Variants in KCNG2 observed in about 807,000 individuals in gnomAD.
KCNG2 encodes voltage-gated potassium channel regulatory subunit KCNG2.
In KCNG2, 7 loss-of-function variants were observed where a neutral mutation model predicts 12.3. That is an observed-to-expected ratio of 0.57 (90% confidence interval 0.32 to 1.07). The LOEUF is 1.07. Among genes scored for constraint, KCNG2 ranks in the 50% least tolerant of loss-of-function variants. KCNG2 has a pLI of 0.04. For synonymous variants in KCNG2, 414 were observed against 351.4 expected, an observed-to-expected ratio of 1.18 and a Z score of -1.99; for missense variants, 703 against 726.0, an observed-to-expected ratio of 0.97 and a Z score of 0.36.
At chr18:79,831,862 G>T (rs900124153) in intron 1 of KCNG2, among the ~76,000 whole-genome samples, 2 of 152,236 alleles carry the variant, frequency 1.3e-5, no homozygotes, top group Admixed American at 6.5e-5. Context: ...CGGCCTAGGT[G>T]GTTGTCTCCT....
chr18:79,803,860 T>C lies in KCNG2; in HGVS notation c.-115+5846T>C, dbSNP rs1359359236. Among the ~76,000 whole-genome samples the C allele has an allele frequency of 6.6e-6, 1 of 152,198 alleles. No individual in the cohort carries two copies. Among genetic ancestry groups the C allele is most frequent in the Non-Finnish European group, 1.5e-5 (1 of 68,036 alleles). ...CACTGTGATGGCCCCGGGGCCATGC[T>C]GAGGCCTCCGTGTTGGTTTCTCCGG... On this transcript the variant is annotated intron_variant, in intron 1 of 3. Coordinates refer to ENST00000316249, the MANE Select transcript of KCNG2 (RefSeq NM_012283.2). The surrounding 1 kb of genome is among the most constrained non-coding windows in gnomAD (Gnocchi z 4.5).
intron 1 of KCNG2, among the ~76,000 whole-genome samples, chr18:79,805,138 A>G (rs938663139): frequency 3.3e-5 from 5 of 152,210 alleles, no homozygotes; most frequent in Non-Finnish European, 5.9e-5. Context: ...GTATTTGTAG[A>G]TACATCTTTG....
chr18:79,867,734 G>A (rs749371216), intron 3 of KCNG2, among the ~76,000 whole-genome samples: 75 of 152,068 alleles, frequency 4.9e-4, no homozygotes, highest in Non-Finnish European at 7.8e-4. Flanking sequence ...TGCGTTTTCC[G>A]ATGGCCACAC....
At position 79,822,262 on chromosome 18, in the gene KCNG2, A is replaced by G. The variant is rs2087576318; in HGVS notation, c.-115+24248A>G. On this transcript the variant is annotated intron_variant, in intron 1 of 3. Transcript: ENST00000316249. The surrounding 1 kb of genome is among the most constrained non-coding windows in gnomAD (Gnocchi z 4.4). ...CAGTGTTGGCAGAATGGTCCAGACC[A>G]GGGATTCCCACTGGCCCCGCCCTGG... 6.6e-6 allele frequency among the ~76,000 whole-genome samples: 1 copy of G among 152,134 alleles called. No individual in the cohort carries two copies. Among genetic ancestry groups the G allele is most frequent in the Non-Finnish European group, 1.5e-5 (1 of 68,028 alleles).
chr18:79,798,432 C>A (rs921882773), intron 1 of KCNG2, among the ~76,000 whole-genome samples: 12 of 152,228 alleles, frequency 7.9e-5, no homozygotes, highest in South Asian at 6.2e-4. Context: ...CTCGGGAAAA[C>A]CCGACTCTCC....
At chr18:79,888,839 T>TG (rs1432636461) in intron 3 of KCNG2, among the ~76,000 whole-genome samples, 4 of 151,840 alleles carry the variant, frequency 2.6e-5, no homozygotes, top group African/African-American at 9.7e-5. Context: ...CACGCCCAGC[T>TG]ATTTTTTTTT....
At chr18:79,819,151 T>A (rs1391628963) in intron 1 of KCNG2, among the ~76,000 whole-genome samples, 1 of 152,152 alleles carries the variant, frequency 6.6e-6, no homozygotes, top group Non-Finnish European at 1.5e-5. Context: ...TATGGGGTGA[T>A]AGGACCCCTC....
Position 79,864,173 on chromosome 18 carries a change from A to G in KCNG2, c.506A>G (p.Asn169Ser). ...CGGCGCCTGCGCGACGTGGTGGACAACCCGCACTCGGGGCTGGCGGGCAAG... is the reference window on the plus strand; with the variant it reads ...CGGCGCCTGCGCGACGTGGTGGACAGCCCGCACTCGGGGCTGGCGGGCAAG... Reference protein sequence around the residue: ...GRRRLRDVVDNPHSGLAGKLF... With the variant: ...GRRRLRDVVDSPHSGLAGKLF... The change falls in exon 3 of 4, where the codon AAC becomes AGC. Residue 169 changes from asparagine (N) to serine (S), a missense_variant. Physicochemically the swap from Asn to Ser is conservative, Grantham distance 46. Transcript: ENST00000316249. The G allele has an allele frequency of 6.6e-7, 1 of 1,510,934 alleles. No homozygotes were observed. The highest frequency in any genetic ancestry group is 3.0e-5 in the East Asian group (1 of 33,890). 93.6% of individuals were successfully genotyped at this position (1,510,934 alleles called of 1,614,324 possible).
At chr18:79,879,749 A>C (rs1237058321) in intron 3 of KCNG2, among the ~76,000 whole-genome samples, 1 of 152,180 alleles carries the variant, frequency 6.6e-6, no homozygotes, top group Non-Finnish European at 1.5e-5. Context: ...ACTTATCCCA[A>C]CCAGTGCACG....
At chr18:79,863,338 G>T (rs1979292482) in intron 2 of KCNG2, among the ~76,000 whole-genome samples, 1 of 152,256 alleles carries the variant, frequency 6.6e-6, no homozygotes. Flanking sequence ...ATTTGTGAAA[G>T]CTCCGTTCGA....
Position 79,832,631 on chromosome 18 carries a change from A to G in KCNG2, c.-114-23748A>G, listed in dbSNP as rs550682833. On this transcript the variant is annotated intron_variant, in intron 1 of 3. Transcript: ENST00000316249. The stretch of plus-strand genomic sequence containing the variant: ...TTTTCTGGTATTCATGAAACCTTGG[A>G]ACTGGGAGAGCCGTGCAGATCATTC... Among the ~76,000 whole-genome samples, 6 of 152,240 alleles carry G rather than the reference A, an allele frequency of 3.9e-5. No individual in the cohort carries two copies. The South Asian group carries it at 1.2e-3, about 32-fold the overall frequency.
chr18:79,872,280 G>GCTTTTTTTT (rs1330535927), intron 3 of KCNG2, among the ~76,000 whole-genome samples: 1 of 73,410 alleles, frequency 1.4e-5, no homozygotes, highest in Non-Finnish European at 2.4e-5. Flanking sequence ...CAAAGCTTCA[G>GCTTTTTTTT]TTTTTTTTTT....
chr18:79,899,562 C>A lies in KCNG2; in HGVS notation c.1147C>A (p.Gln383Lys). The change falls in exon 4 of 4, where the codon CAG becomes AAG. Residue 383 changes from glutamine (Q) to lysine (K), a missense_variant. Transcript: ENST00000316249. ...CATGGTCCCGCGCAGCCTGCCCGGG[C>A]AGGTGGTGGCGCTCAGCAGCATCCT... ...GDMVPRSLPG[Q>K]VVALSSILSG... The A allele has an allele frequency of 6.2e-7, 1 of 1,600,666 alleles. No individual in the cohort carries two copies. Among genetic ancestry groups the A allele is most frequent in the Non-Finnish European group, 8.5e-7 (1 of 1,174,010 alleles).
In KCNG2 at chr18:79,839,219, C is replaced by G. The variant is rs534682067; in HGVS notation, c.-114-17160C>G. 2.0e-5 allele frequency among the ~76,000 whole-genome samples: 3 copies of G among 152,262 alleles called. No individual in the cohort carries two copies. In the East Asian group the frequency reaches 5.8e-4, roughly 29 times the overall value. ...GGCTGAAGGGAGAGGATCACTTGAG[C>G]CCAGGTCAAGGCTGCAGTGAGCCAT... On this transcript the variant is annotated intron_variant, in intron 1 of 3. Coordinates refer to ENST00000316249, the MANE Select transcript of KCNG2 (RefSeq NM_012283.2).
intron 3 of KCNG2, among the ~76,000 whole-genome samples, chr18:79,866,838 AGAGTGTG>A (rs1268627166): frequency 3.8e-5 from 1 of 26,546 alleles, no homozygotes; most frequent in Admixed American, 6.6e-4. Context: ...CTGTGTGCTG[AGAGTGTG>A]GGTGCTGAGG....
At chr18:79,849,623 G>C (rs1473087947) in intron 1 of KCNG2, among the ~76,000 whole-genome samples, 2 of 152,270 alleles carry the variant, frequency 1.3e-5, no homozygotes, top group Non-Finnish European at 1.5e-5. Context: ...AGCTGTCGTG[G>C]TTTCTGAGGG....
chr18:79,871,066 C>T (rs929100964), intron 3 of KCNG2, among the ~76,000 whole-genome samples: 3 of 152,194 alleles, frequency 2.0e-5, no homozygotes, highest in Admixed American at 6.5e-5. Context: ...CTGTGGTTTC[C>T]GTCGAGCCTG....
intron 1 of KCNG2, among the ~76,000 whole-genome samples, chr18:79,825,354 C>T (rs555812413): frequency 1.2e-4 from 18 of 152,322 alleles, no homozygotes; most frequent in African/African-American, 3.4e-4. Context: ...GGGAAAATAT[C>T]CCTAAGTCAT....
intron 3 of KCNG2, among the ~76,000 whole-genome samples, chr18:79,873,331 C>G (rs867470084): frequency 1.3e-5 from 2 of 151,874 alleles, no homozygotes; most frequent in South Asian, 4.1e-4. Flanking sequence ...GCAGGGGTCT[C>G]TGTGTGCTCC....
Sources: gnomAD v4.1 joint callset for allele counts (sites outside exome capture counted in the v4.1 genomes callset) on GRCh38, gnomAD v4.1.1 for gene constraint, Gnocchi (gnomAD v3.1) non-coding constraint, MANE v1.5 for transcripts, NCBI Gene and HGNC (gene_info 2026-07-23, HGNC 2026-07-21) for gene names.